The following LY96 variants were observed in gnomAD, a reference collection of about 807,000 sequenced individuals.
LY96 encodes the protein lymphocyte antigen 96.
A neutral mutation model predicts 18.9 loss-of-function variants in LY96; 18 were observed. That is an observed-to-expected ratio of 0.95 (90% CI 0.66 to 1.41). LY96 has a LOEUF of 1.41. Ranked by LOEUF, LY96 falls within the 40% of genes most tolerant of loss-of-function variation. The pLI is 0.00. For missense variants in LY96, 175 were observed against 182.4 expected, an observed-to-expected ratio of 0.96 and a Z score of 0.23; for synonymous variants, 66 against 62.6, an observed-to-expected ratio of 1.06 and a Z score of -0.26.
chr8:74,031,276 A>T (rs1371578175), downstream of LY96, among the ~76,000 whole-genome samples: 1 of 152,112 alleles, frequency 6.6e-6, no homozygotes, highest in Non-Finnish European at 1.5e-5. Context: ...TGCCTATTAA[A>T]ACTCTGCTCC....
intron 3 of LY96, among the ~76,000 whole-genome samples, chr8:74,011,342 G>A (rs1381225440): frequency 1.3e-5 from 2 of 152,148 alleles, no homozygotes; most frequent in Non-Finnish European, 2.9e-5. Context: ...TTATGACAAA[G>A]ATCTCAAAAG....
At chr8:74,039,136 C>T in the LY96 span, among the ~76,000 whole-genome samples, 1 of 152,050 alleles carries the variant, frequency 6.6e-6, no homozygotes, top group South Asian at 2.1e-4. Flanking sequence ...TGAAGTTGAA[C>T]ACCTTTTCAT....
At chr8:74,098,644 A>G in the LY96 span, among the ~76,000 whole-genome samples, 3 of 152,242 alleles carry the variant, frequency 2.0e-5, no homozygotes, top group African/African-American at 7.2e-5. Context: ...TGCTGGGATT[A>G]CAAGTGTGAG....
the LY96 span, among the ~76,000 whole-genome samples, chr8:74,058,523 C>CT: frequency 0.24 from 33,266 of 139,536 alleles, 3,927 homozygotes; most frequent in Non-Finnish European, 0.26. Flanking sequence ...GAAAGTTTTT[C>CT]TTTTTTTTTT....
At chr8:74,080,998 C>T in the LY96 span, among the ~76,000 whole-genome samples, 1 of 115,278 alleles carries the variant, frequency 8.7e-6, no homozygotes, top group African/African-American at 4.9e-5. Context: ...TTCTTTCTTT[C>T]TTTCTTTCTT....
At chr8:74,036,405 A>G in the LY96 span, among the ~76,000 whole-genome samples, 4 of 152,154 alleles carry the variant, frequency 2.6e-5, no homozygotes, top group African/African-American at 9.7e-5. Flanking sequence ...ATGGCCAGAG[A>G]TCACAAGGTT....
intron 3 of LY96, 147 bp downstream of exon 3, chr8:74,010,276 A>C: frequency 3.0e-6 from 2 of 670,734 alleles, no homozygotes; most frequent in Non-Finnish European, 5.1e-6. Flanking sequence ...AGCTTAAATA[A>C]CATTTTATAA....
chr8:74,079,999 T>C, the LY96 span, among the ~76,000 whole-genome samples: 1 of 152,206 alleles, frequency 6.6e-6, no homozygotes, highest in East Asian at 1.9e-4. Flanking sequence ...AAGGAAAAAG[T>C]AAGGGAGGGC....
chr8:74,077,350 G>T, the LY96 span, among the ~76,000 whole-genome samples: 2 of 152,176 alleles, frequency 1.3e-5, no homozygotes, highest in Admixed American at 6.5e-5. Context: ...AATTCCAAGG[G>T]TTTTAGGAGT....
intron 3 of LY96, among the ~76,000 whole-genome samples, chr8:74,010,701 G>A (rs1253727855): frequency 6.6e-6 from 1 of 151,912 alleles, no homozygotes; most frequent in Non-Finnish European, 1.5e-5. Flanking sequence ...GCCTAGTACA[G>A]TGTTCAGAAT....
chr8:73,999,080 C>T (rs2131255949), intron 1 of LY96, among the ~76,000 whole-genome samples: 1 of 152,046 alleles, frequency 6.6e-6, no homozygotes, highest in Admixed American at 6.5e-5. Flanking sequence ...AAGCAATTCT[C>T]ATGCTTCAGC....
At chr8:74,053,197 G>T in the LY96 span, among the ~76,000 whole-genome samples, 2 of 152,158 alleles carry the variant, frequency 1.3e-5, no homozygotes, top group African/African-American at 4.8e-5. Context: ...CCTTACTTTT[G>T]ATACATGACT....
At chr8:74,053,356 T>C in the LY96 span, among the ~76,000 whole-genome samples, 110 of 152,362 alleles carry the variant, frequency 7.2e-4, 1 homozygote, top group East Asian at 0.019. Flanking sequence ...TCTAATCCTT[T>C]AGTGACCTGT....
At chr8:74,044,469 G>A in the LY96 span, among the ~76,000 whole-genome samples, 80 of 152,256 alleles carry the variant, frequency 5.3e-4, no homozygotes, top group African/African-American at 1.8e-3. Context: ...GATTATAGCT[G>A]TGAGCCACTG....
intron 1 of LY96, among the ~76,000 whole-genome samples, 178 bp downstream of exon 1, chr8:73,991,732 G>A (rs901158417): frequency 6.6e-6 from 1 of 152,098 alleles, no homozygotes; most frequent in African/African-American, 2.4e-5. Flanking sequence ...GAATGTTCTC[G>A]ACCACTCACA....
downstream of LY96, among the ~76,000 whole-genome samples, chr8:74,033,691 G>A (rs1474826447): frequency 6.6e-6 from 1 of 152,210 alleles, no homozygotes; most frequent in African/African-American, 2.4e-5. Context: ...TGCTGCTGTG[G>A]TTAAAGAGGA....
intron 3 of LY96, among the ~76,000 whole-genome samples, chr8:74,015,484 TC>T (rs1272253645): frequency 6.6e-6 from 1 of 152,178 alleles, no homozygotes; most frequent in African/African-American, 2.4e-5. Context: ...TGGTCTTCCC[TC>T]CTATGTTTGT....
At chr8:73,998,006 A>T (rs1168223011) in intron 1 of LY96, among the ~76,000 whole-genome samples, 1 of 152,102 alleles carries the variant, frequency 6.6e-6, no homozygotes, top group Non-Finnish European at 1.5e-5. Flanking sequence ...TCGAATGTTA[A>T]CTCTGTCTGT....
the LY96 span, among the ~76,000 whole-genome samples, chr8:74,072,456 A>G: frequency 1.3e-5 from 2 of 152,194 alleles, no homozygotes; most frequent in African/African-American, 4.8e-5. Context: ...ATATGGTTAA[A>G]ATATAATTAT....
Sources: gnomAD v4.1 joint callset for allele counts (sites outside exome capture counted in the v4.1 genomes callset) on GRCh38, gnomAD v4.1.1 for gene constraint, MANE v1.5 for transcripts, NCBI Gene and HGNC (gene_info 2026-07-23, HGNC 2026-07-21) for gene names.